Variants in PLSCR2 observed in about 807,000 individuals in gnomAD.
PLSCR2 encodes phospholipid scramblase 2.
PLSCR2 carries 18 observed loss-of-function variants against 25.3 expected under a neutral mutation model. That is an observed-to-expected ratio of 0.71 (90% CI 0.49 to 1.06). The LOEUF (loss-of-function observed/expected upper bound fraction) is 1.06, where lower values mean the gene tolerates loss of function less well. PLSCR2 is among the 50% of genes least tolerant of loss of function. The probability of loss-of-function intolerance (pLI) is 0.00; values close to 1 mark genes in which losing one functional copy is unlikely to be tolerated. For synonymous variants in PLSCR2, 88 were observed against 87.3 expected, an observed-to-expected ratio of 1.01 and a Z score of -0.04; for missense variants, 243 against 269.5, an observed-to-expected ratio of 0.90 and a Z score of 0.69.
chr3:146,454,034 C>A, exon 5 of PLSCR2: 3 of 1,602,994 alleles, frequency 1.9e-6, no homozygotes. Flanking sequence ...CAGCTGCACA[C>A]GATACATGGA....
chr3:146,432,325 C>T (rs934262040), downstream of PLSCR2, among the ~76,000 whole-genome samples: 9 of 152,222 alleles, frequency 5.9e-5, no homozygotes, highest in African/African-American at 2.2e-4. Flanking sequence ...TTATCTTACA[C>T]CTTTCCCTAC....
At chr3:146,439,792 G>A (rs574156623), downstream of PLSCR2, among the ~76,000 whole-genome samples, 22 of 152,178 alleles carry the variant, frequency 1.4e-4, no homozygotes, top group East Asian at 5.8e-4. Context: ...GTCATTCCCC[G>A]TCCAGCTTTG....
chr3:146,445,658 C>T (rs115627725), intron 6 of PLSCR2, among the ~76,000 whole-genome samples: 3 of 151,944 alleles, frequency 2.0e-5, no homozygotes, highest in Non-Finnish European at 2.9e-5. Context: ...AGTTCTATAA[C>T]CTTCTTGTAT....
chr3:146,425,494 T>G (rs138357103), intron 2 of PLSCR2, among the ~76,000 whole-genome samples: 101 of 152,312 alleles, frequency 6.6e-4, no homozygotes, highest in African/African-American at 2.3e-3. Flanking sequence ...TGGCTTCGGT[T>G]TCCTGCAGAC....
intron 1 of PLSCR2, among the ~76,000 whole-genome samples, chr3:146,487,966 C>A (rs1282122162): frequency 2.0e-5 from 3 of 151,894 alleles, no homozygotes; most frequent in Non-Finnish European, 4.4e-5. Flanking sequence ...GTACTGGTAC[C>A]AAAACAGACA....
intron 2 of PLSCR2, among the ~76,000 whole-genome samples, chr3:146,415,530 T>A (rs1470214551): frequency 6.6e-6 from 1 of 152,134 alleles, no homozygotes; most frequent in East Asian, 1.9e-4. Flanking sequence ...ATATAGTTTT[T>A]ACCCAAATGC....
chr3:146,464,163 A>C (rs545636404), upstream of PLSCR2, among the ~76,000 whole-genome samples: 2 of 152,332 alleles, frequency 1.3e-5, no homozygotes, highest in African/African-American at 4.8e-5. Context: ...TTAATCTATA[A>C]GGTGAACAAT....
intron 3 of PLSCR2, 113 bp downstream of exon 3, chr3:146,458,294 TAGTC>T (rs1460099731): frequency 2.5e-6 from 2 of 785,292 alleles, no homozygotes; most frequent in African/African-American, 1.8e-5. Flanking sequence ...CATTCGTAAA[TAGTC>T]AGTTTTACCA....
chr3:146,459,501 T>G (rs898087343), intron 2 of PLSCR2, among the ~76,000 whole-genome samples: 1 of 152,196 alleles, frequency 6.6e-6, no homozygotes, highest in Admixed American at 6.5e-5. Flanking sequence ...ATTACAACGC[T>G]TATACATCAT....
intron 2 of PLSCR2, among the ~76,000 whole-genome samples, chr3:146,400,220 T>C (rs1394490243): frequency 3.3e-5 from 5 of 151,742 alleles, no homozygotes; most frequent in Non-Finnish European, 7.4e-5. Flanking sequence ...ATATCTATAA[T>C]TGTAGGAAAC....
intron 1 of PLSCR2, among the ~76,000 whole-genome samples, chr3:146,465,593 A>G (rs1010018456): frequency 7.3e-5 from 11 of 151,358 alleles, no homozygotes; most frequent in African/African-American, 2.7e-4. Context: ...AAAAAATCAC[A>G]ATATAAAACA....
intron 2 of PLSCR2, among the ~76,000 whole-genome samples, chr3:146,404,821 A>AAAAAAGG (rs71158238): frequency 8.0e-6 from 1 of 124,696 alleles, no homozygotes; most frequent in Non-Finnish European, 1.7e-5. Context: ...AAAAAAAAAA[A>AAAAAAGG]GGGGGGGGGT....
chr3:146,434,233 C>T (rs1009911653), intron 8 of PLSCR2, among the ~76,000 whole-genome samples: 2 of 152,130 alleles, frequency 1.3e-5, no homozygotes, highest in South Asian at 4.1e-4. Context: ...ATAATATATA[C>T]CTGAATGGCT....
At chr3:146,469,381 T>TGGGCCCTTGCC in intron 1 of PLSCR2, 114 bp downstream of exon 1, 1 of 942,580 alleles carries the variant, frequency 1.1e-6, no homozygotes, top group Non-Finnish European at 1.3e-6. Context: ...CGCGGCCCAT[T>TGGGCCCTTGCC]GGGCCCTTGC....
chr3:146,441,012 A>G (rs1488628240), downstream of PLSCR2, among the ~76,000 whole-genome samples: 1 of 152,152 alleles, frequency 6.6e-6, no homozygotes, highest in East Asian at 1.9e-4. Flanking sequence ...TAACAATACC[A>G]AATTTTAGAA....
chr3:146,468,941 T>G (rs1050730351), intron 1 of PLSCR2, among the ~76,000 whole-genome samples: 4 of 152,198 alleles, frequency 2.6e-5, no homozygotes, highest in South Asian at 2.1e-4. Context: ...TGGCTGACAG[T>G]CCACAGATGT....
intron 6 of PLSCR2, among the ~76,000 whole-genome samples, chr3:146,443,049 A>G (rs1052392385): frequency 1.3e-5 from 2 of 151,940 alleles, no homozygotes. Context: ...ATATTTGCAA[A>G]CCATGTATCT....
At chr3:146,421,645 G>A (rs905177012) in intron 2 of PLSCR2, among the ~76,000 whole-genome samples, 3 of 152,032 alleles carry the variant, frequency 2.0e-5, no homozygotes, top group African/African-American at 7.2e-5. Flanking sequence ...CTAAGATGGG[G>A]AGATCCAAGC....
chr3:146,429,616 T>C (rs1377331021), downstream of PLSCR2, among the ~76,000 whole-genome samples: 1 of 151,352 alleles, frequency 6.6e-6, no homozygotes, highest in Non-Finnish European at 1.5e-5. Flanking sequence ...TAACTTAAAA[T>C]TGGAATTTAT....
Sources: gnomAD v4.1 joint callset for allele counts (sites outside exome capture counted in the v4.1 genomes callset) on GRCh38, gnomAD v4.1.1 for gene constraint, MANE v1.5 for transcripts, NCBI Gene and HGNC (gene_info 2026-07-23, HGNC 2026-07-21) for gene names.